Variants in SMIM14 observed in about 807,000 individuals in gnomAD.
The protein encoded by SMIM14 is small integral membrane protein 14.
A neutral mutation model predicts 12.6 loss-of-function variants in SMIM14; 5 were observed. The observed-to-expected ratio is 0.40, with a 90% CI of 0.21 to 0.83. The LOEUF (loss-of-function observed/expected upper bound fraction) is 0.83, where lower values mean the gene tolerates loss of function less well. Ranked by LOEUF, SMIM14 falls within the 40% of genes least tolerant of loss-of-function variation. The pLI is 0.37. For missense variants in SMIM14, 86 were observed against 119.1 expected, an observed-to-expected ratio of 0.72 and a Z score of 1.29; for synonymous variants, 30 against 40.1, an observed-to-expected ratio of 0.75 and a Z score of 0.95.
intron 3 of SMIM14, among the ~76,000 whole-genome samples, chr4:39,567,831 G>A (rs1048057941): frequency 1.3e-5 from 2 of 152,124 alleles, no homozygotes; most frequent in Non-Finnish European, 2.9e-5. Flanking sequence ...TACTGAGCCT[G>A]GAAGGTCAAG....
intron 3 of SMIM14, among the ~76,000 whole-genome samples, chr4:39,560,816 T>G (rs965707101): frequency 8.6e-5 from 13 of 151,534 alleles, no homozygotes; most frequent in African/African-American, 2.7e-4. Context: ...AGAAAACACC[T>G]TTTTTCTTTC....
At chr4:39,603,030 T>C (rs1470757789) in intron 2 of SMIM14, among the ~76,000 whole-genome samples, 2 of 152,194 alleles carry the variant, frequency 1.3e-5, no homozygotes, top group African/African-American at 4.8e-5. Context: ...CTGAAATTTT[T>C]TGAGCACCAA....
chr4:39,583,925 T>C (rs954015016), intron 2 of SMIM14: 1 of 152,128 alleles, frequency 6.6e-6, no homozygotes. Context: ...ATAAATACAT[T>C]CTTACACACC....
intron 1 of SMIM14, among the ~76,000 whole-genome samples, chr4:39,625,524 C>A (rs1278066617): frequency 6.6e-6 from 1 of 152,066 alleles, no homozygotes; most frequent in Non-Finnish European, 1.5e-5. Flanking sequence ...TCACTGCAAC[C>A]TCCACCTCCC....
At chr4:39,583,575 CCTT>C (rs1471831531) in intron 2 of SMIM14, among the ~76,000 whole-genome samples, 4 of 152,044 alleles carry the variant, frequency 2.6e-5, no homozygotes, top group African/African-American at 9.7e-5. Context: ...GCAAACATGA[CCTT>C]CTTTCTAATG....
At chr4:39,619,673 T>C (rs1455540840) in intron 1 of SMIM14, among the ~76,000 whole-genome samples, 1 of 120,830 alleles carries the variant, frequency 8.3e-6, no homozygotes, top group Admixed American at 9.7e-5. Context: ...TCAATAAATA[T>C]AATTTATTCT....
At position 39,603,340 on chromosome 4, in the gene SMIM14, C is replaced by T. The variant is rs190841191; in HGVS notation, c.75+1731G>A. 6.8e-4 allele frequency among the ~76,000 whole-genome samples: 103 copies of T among 152,092 alleles called. 2 individuals carry two copies. In the East Asian group the frequency reaches 0.018, roughly 26 times the overall value. On this transcript the variant is annotated intron_variant, in intron 2 of 4. Coordinates refer to ENST00000295958, the MANE Select transcript of SMIM14 (RefSeq NM_174921.3). Reference sequence around the variant, plus strand: ...TTGGGAGGCTGAGGCAGGTGGATCACGAGGTCAGGAGATTGAGACCATCCT... The same window carrying T: ...TTGGGAGGCTGAGGCAGGTGGATCATGAGGTCAGGAGATTGAGACCATCCT...
intron 2 of SMIM14, among the ~76,000 whole-genome samples, chr4:39,601,837 C>A (rs1714624762): frequency 6.6e-6 from 1 of 151,608 alleles, no homozygotes; most frequent in South Asian, 2.1e-4. Context: ...ATCCTAGCTA[C>A]CTGGGAGGCT....
intron 1 of SMIM14, among the ~76,000 whole-genome samples, chr4:39,622,726 G>T (rs1363193941): frequency 6.6e-6 from 1 of 152,134 alleles, no homozygotes; most frequent in Non-Finnish European, 1.5e-5. Flanking sequence ...TAAAGGCATA[G>T]GAAAACACAT....
At chr4:39,556,708 T>C (rs1189001861) in intron 3 of SMIM14, 138 bp from the exon 4 acceptor site, 3 of 806,068 alleles carry the variant, frequency 3.7e-6, no homozygotes, top group Non-Finnish European at 5.4e-6. Flanking sequence ...ATATTATATC[T>C]TCAATTTCCC....
intron 2 of SMIM14, among the ~76,000 whole-genome samples, chr4:39,577,221 T>C (rs535133958): frequency 6.6e-6 from 1 of 152,054 alleles, no homozygotes; most frequent in East Asian, 1.9e-4. Flanking sequence ...ATGTACAATT[T>C]TTCCTGCTAT....
chr4:39,626,528 T>G (rs938083255), intron 1 of SMIM14, among the ~76,000 whole-genome samples: 2 of 152,206 alleles, frequency 1.3e-5, no homozygotes, highest in East Asian at 3.8e-4. Context: ...AAAGGATGTA[T>G]CTAACAAATT....
rs1327211149 is a variant in SMIM14 at position 39,547,903 on chromosome 4, ATCT to A, written c.*4220_*4222del. 1 of 143,260 alleles carries A rather than the reference ATCT, an allele frequency of 7.0e-6. No homozygotes were observed. Among genetic ancestry groups the A allele is most frequent in the Non-Finnish European group, 1.5e-5 (1 of 67,180 alleles). The allele number at this position is 143,260 out of a possible 1,614,324, so 8.9% of individuals were successfully genotyped here. A position where few individuals can be genotyped will look rare whatever the true frequency, so the allele number is the denominator to read the frequency against. The stretch of plus-strand genomic sequence containing the variant: ...AGATAACATGAAAAAAATGAAAAAC[ATCT>A]TTTTTTTTTTTTTTTTGAGACGGAG... On this transcript the variant is annotated 3_prime_UTR_variant, in exon 5 of 5. Coordinates refer to ENST00000295958, the MANE Select transcript of SMIM14 (RefSeq NM_174921.3).
chr4:39,562,439 G>A (rs1455486052), intron 3 of SMIM14, among the ~76,000 whole-genome samples: 7 of 152,048 alleles, frequency 4.6e-5, no homozygotes, highest in Non-Finnish European at 2.9e-5. Context: ...ACACATCTCT[G>A]CTGATCAATG....
chr4:39,638,604 A>C (rs1008509992), intron 1 of SMIM14, 135 bp downstream of exon 1: 2 of 977,352 alleles, frequency 2.0e-6, no homozygotes, highest in Admixed American at 6.2e-5. Flanking sequence ...CGGCCGAGGA[A>C]ACGCCAAGCC....
At chr4:39,638,515 G>A in intron 1 of SMIM14, 1 of 985,482 alleles carries the variant, frequency 1.0e-6, no homozygotes, top group Non-Finnish European at 1.2e-6. Context: ...ATCCTGCAGA[G>A]AATACCCAAT....
chr4:39,566,777 G>T (rs1412813426), intron 3 of SMIM14, among the ~76,000 whole-genome samples: 1 of 152,038 alleles, frequency 6.6e-6, no homozygotes, highest in African/African-American at 2.4e-5. Context: ...GACCATTTTG[G>T]CCAACATGGT....
intron 4 of SMIM14, among the ~76,000 whole-genome samples, chr4:39,555,168 A>G (rs764203219): frequency 6.6e-6 from 1 of 151,428 alleles, no homozygotes; most frequent in Non-Finnish European, 1.5e-5. Flanking sequence ...ATAATATTCA[A>G]ATTCAGTGTT....
chr4:39,632,734 C>T (rs1715949344), intron 1 of SMIM14, among the ~76,000 whole-genome samples: 1 of 148,898 alleles, frequency 6.7e-6, no homozygotes, highest in African/African-American at 2.5e-5. Flanking sequence ...GCCGAGATCG[C>T]CCCACTGCAC....
Sources: allele counts gnomAD v4.1 joint callset (sites outside exome capture counted in the v4.1 genomes callset), GRCh38; gene constraint gnomAD v4.1.1; transcripts MANE v1.5; gene names NCBI Gene and HGNC (gene_info 2026-07-23, HGNC 2026-07-21).